KCNAB1: variants seen among roughly 807,000 people sequenced by gnomAD.
KCNAB1 encodes voltage-gated potassium channel subunit beta-1.
Under a neutral mutation model 64.6 loss-of-function variants are expected in KCNAB1, and 35 were observed. The ratio of observed to expected loss-of-function variants is 0.54; its 90% CI spans 0.41 to 0.72. KCNAB1 has a LOEUF of 0.72. Among genes scored for constraint, KCNAB1 ranks in the 30% least tolerant of loss-of-function variants. The pLI is 0.00. For synonymous variants in KCNAB1, 177 were observed against 183.8 expected (o/e 0.96, Z 0.30); for missense variants, 401 against 512.9 (o/e 0.78, Z 2.11).
intron 1 of KCNAB1, among the ~76,000 whole-genome samples, chr3:156,171,659 G>A (rs1204094614): frequency 2.6e-5 from 4 of 152,168 alleles, no homozygotes; most frequent in Non-Finnish European, 5.9e-5. Flanking sequence ...AGAGTCCAAT[G>A]CGAATGTACT....
At chr3:156,164,252 A>T (rs1017677180) in intron 1 of KCNAB1, among the ~76,000 whole-genome samples, 2 of 152,208 alleles carry the variant, frequency 1.3e-5, no homozygotes, top group African/African-American at 4.8e-5. Flanking sequence ...TGAGAGAATA[A>T]GAGAGCATTA....
intron 1 of KCNAB1, among the ~76,000 whole-genome samples, chr3:156,353,811 G>A (rs1725019446): frequency 6.6e-6 from 1 of 152,168 alleles, no homozygotes. Flanking sequence ...GCACTTTTTT[G>A]TGTGACCTAA....
chr3:156,229,044 C>A (rs755937036), intron 1 of KCNAB1, among the ~76,000 whole-genome samples: 3 of 152,142 alleles, frequency 2.0e-5, no homozygotes, highest in Admixed American at 6.5e-5. Flanking sequence ...TAAAGGGGAG[C>A]CTCTGAGGGG....
chr3:156,360,647 C>A (rs747100387), intron 1 of KCNAB1, among the ~76,000 whole-genome samples: 40 of 151,558 alleles, frequency 2.6e-4, no homozygotes, highest in Middle Eastern at 6.8e-3. Flanking sequence ...CCCAAGAGGT[C>A]AAGGCTGTAG....
chr3:156,204,225 A>G lies in KCNAB1; in HGVS notation c.275+83339A>G, dbSNP rs575429901. The stretch of plus-strand genomic sequence containing the variant: ...ACTTTCCAACCACTATATTTACTGA[A>G]TTATTAGGAGCCATGCACTCCCAGG... On this transcript the variant is annotated intron_variant, in intron 1 of 13. Transcript: ENST00000490337. Among the ~76,000 whole-genome samples the G allele has an allele frequency of 3.9e-5, 6 of 152,140 alleles. No homozygotes were observed. The South Asian group carries it at 1.2e-3, about 32-fold the overall frequency.
At chr3:156,175,712 G>A (rs528832531) in intron 1 of KCNAB1, 88 of 529,422 alleles carry the variant, frequency 1.7e-4, no homozygotes, top group Non-Finnish European at 3.0e-4. Flanking sequence ...TGGGATAGCA[G>A]TGGTTTTTGG....
At chr3:156,193,756 C>G (rs1044072943) in intron 1 of KCNAB1, among the ~76,000 whole-genome samples, 1 of 152,112 alleles carries the variant, frequency 6.6e-6, no homozygotes, top group Non-Finnish European at 1.5e-5. Flanking sequence ...AGGTCCCTTC[C>G]TCGACATGTG....
intron 8 of KCNAB1, among the ~76,000 whole-genome samples, chr3:156,482,959 A>T (rs954916905): frequency 6.6e-6 from 1 of 152,128 alleles, no homozygotes; most frequent in Non-Finnish European, 1.5e-5. Flanking sequence ...ACAAATTAAG[A>T]TGCATGAGTC....
intron 12 of KCNAB1, among the ~76,000 whole-genome samples, chr3:156,529,504 AG>A (rs1375935353): frequency 6.6e-6 from 1 of 151,300 alleles, no homozygotes; most frequent in African/African-American, 2.4e-5. Flanking sequence ...AAAAAAAAAA[AG>A]AGCATGGTCC....
intron 1 of KCNAB1, among the ~76,000 whole-genome samples, chr3:156,283,988 G>A (rs1444777936): frequency 2.6e-5 from 4 of 152,010 alleles, no homozygotes; most frequent in African/African-American, 9.7e-5. Context: ...TCTCCATCCA[G>A]CTTTGTTCCG....
chr3:156,287,684 G>A (rs1016307268), intron 1 of KCNAB1, among the ~76,000 whole-genome samples: 1 of 151,786 alleles, frequency 6.6e-6, no homozygotes, highest in Non-Finnish European at 1.5e-5. Context: ...AGGCGTGATG[G>A]TATACACCTG....
intron 1 of KCNAB1, among the ~76,000 whole-genome samples, chr3:156,138,386 A>C (rs1714496895): frequency 6.6e-6 from 1 of 152,142 alleles, no homozygotes; most frequent in Non-Finnish European, 1.5e-5. Context: ...GTTGGTCCCA[A>C]TACTTCCCCA....
chr3:156,465,824 T>G, intron 7 of KCNAB1, 138 bp downstream of exon 7: 1 of 717,202 alleles, frequency 1.4e-6, no homozygotes, highest in Admixed American at 2.3e-5. Context: ...AGTTTCTTCT[T>G]GGGGTTAAAT....
At chr3:156,194,238 A>T (rs1713745114) in intron 1 of KCNAB1, among the ~76,000 whole-genome samples, 1 of 151,656 alleles carries the variant, frequency 6.6e-6, no homozygotes, top group Admixed American at 6.6e-5. Context: ...TTTGTTACTG[A>T]AACGCTTTCT....
Position 156,368,834 on chromosome 3 carries a change from G to A in KCNAB1, c.276-52782G>A, listed in dbSNP as rs148653400. Among the ~76,000 whole-genome samples, 282 of 152,254 alleles carry A rather than the reference G, an allele frequency of 1.9e-3. 2 individuals are homozygous for A. Among genetic ancestry groups the A allele is most frequent in the Non-Finnish European group, 3.4e-3 (228 of 68,014 alleles). ...TCAATGTTATTCCATCTCCTGCAAC[G>A]CTTTGTCCCTTAGTAAAGGAAATGC... On this transcript the variant is annotated intron_variant, in intron 1 of 13. Coordinates refer to ENST00000490337, the MANE Select transcript of KCNAB1 (RefSeq NM_172160.3).
chr3:156,135,591 A>G (rs1714297564), intron 1 of KCNAB1, among the ~76,000 whole-genome samples: 7 of 152,252 alleles, frequency 4.6e-5, no homozygotes, highest in Admixed American at 4.6e-4. Context: ...GATTAATTGT[A>G]AGTGCCTAGA....
intron 1 of KCNAB1, among the ~76,000 whole-genome samples, chr3:156,379,293 C>T (rs943155030): frequency 1.3e-5 from 2 of 152,210 alleles, no homozygotes; most frequent in African/African-American, 2.4e-5. Flanking sequence ...CAACAAACAT[C>T]TCTGCCCTTG....
intron 1 of KCNAB1, among the ~76,000 whole-genome samples, chr3:156,177,289 G>C (rs1712441498): frequency 6.6e-6 from 1 of 152,284 alleles, no homozygotes; most frequent in South Asian, 2.1e-4. Context: ...GTCACACATG[G>C]CCAATCCTGC....
chr3:156,430,857 A>G (rs1716159140), intron 2 of KCNAB1, among the ~76,000 whole-genome samples: 1 of 152,176 alleles, frequency 6.6e-6, no homozygotes, highest in African/African-American at 2.4e-5. Context: ...TAGTCAGGTG[A>G]TGTCATGATT....
Sources: allele counts gnomAD v4.1 joint callset (sites outside exome capture counted in the v4.1 genomes callset), GRCh38; gene constraint gnomAD v4.1.1; transcripts MANE v1.5; gene names NCBI Gene and HGNC (gene_info 2026-07-23, HGNC 2026-07-21).